Variants in TBC1D22B observed in about 807,000 individuals in gnomAD.
TBC1D22B encodes the protein chromosome 6 open reading frame 197.
In TBC1D22B, 32 loss-of-function variants were observed where a neutral mutation model predicts 69.1. The ratio of observed to expected loss-of-function variants is 0.46; its 90% CI spans 0.35 to 0.62. The LOEUF is 0.62. Among genes scored for constraint, TBC1D22B ranks in the 20% least tolerant of loss-of-function variants. The probability of loss-of-function intolerance (pLI) is 0.00; values close to 1 mark genes in which losing one functional copy is unlikely to be tolerated. For missense variants in TBC1D22B, 462 were observed against 630.9 expected (o/e 0.73, Z 2.87); for synonymous variants, 206 against 229.8 (o/e 0.90, Z 0.94).
At chr6:37,310,529 A>G (rs942013549) in intron 8 of TBC1D22B, among the ~76,000 whole-genome samples, 2 of 152,182 alleles carry the variant, frequency 1.3e-5, no homozygotes, top group Non-Finnish European at 2.9e-5. Context: ...TTAGCCAGGC[A>G]TAGTGGCTCA....
intron 12 of TBC1D22B, chr6:37,324,393 A>G (rs1402032650): frequency 2.2e-6 from 1 of 456,596 alleles, no homozygotes; most frequent in Non-Finnish European, 4.4e-6. Context: ...TTTAGCTGTG[A>G]CACATCTACA....
intron 12 of TBC1D22B, among the ~76,000 whole-genome samples, chr6:37,321,343 T>A (rs1581633390): frequency 6.6e-6 from 1 of 152,154 alleles, no homozygotes; most frequent in Admixed American, 6.5e-5. Flanking sequence ...TAAACTTACA[T>A]GGTGGCTGTT....
chr6:37,272,988 T>C (rs1438530248), intron 2 of TBC1D22B, among the ~76,000 whole-genome samples: 1 of 152,210 alleles, frequency 6.6e-6, no homozygotes, highest in Non-Finnish European at 1.5e-5. Flanking sequence ...TAGACTGGTC[T>C]CATCTCATTG....
At chr6:37,269,305 CT>C (rs957986625) in intron 1 of TBC1D22B, among the ~76,000 whole-genome samples, 28 of 152,330 alleles carry the variant, frequency 1.8e-4, no homozygotes, top group African/African-American at 5.5e-4. Context: ...CATTTGAACT[CT>C]GCTCTCTCCA....
At chr6:37,296,027 A>G (rs1408257375) in intron 8 of TBC1D22B, among the ~76,000 whole-genome samples, 1 of 152,254 alleles carries the variant, frequency 6.6e-6, no homozygotes, top group East Asian at 1.9e-4. Context: ...CATTGAGGCA[A>G]GATCCTCCAC....
intron 1 of TBC1D22B, among the ~76,000 whole-genome samples, chr6:37,261,674 G>C (rs1477585073): frequency 6.6e-6 from 1 of 152,092 alleles, no homozygotes; most frequent in Non-Finnish European, 1.5e-5. Context: ...AAGAAGGATA[G>C]TTACGATGAT....
intron 8 of TBC1D22B, among the ~76,000 whole-genome samples, chr6:37,306,720 A>G (rs1042965842): frequency 4.6e-5 from 7 of 152,254 alleles, no homozygotes; most frequent in Non-Finnish European, 1.0e-4. Flanking sequence ...CCAGGGCATC[A>G]TGATACATGT....
chr6:37,272,051 G>A (rs1328453529), intron 2 of TBC1D22B, among the ~76,000 whole-genome samples: 1 of 151,858 alleles, frequency 6.6e-6, no homozygotes, highest in Non-Finnish European at 1.5e-5. Context: ...ATGTTCCTTG[G>A]TTTGCCCCTT....
intron 12 of TBC1D22B, among the ~76,000 whole-genome samples, chr6:37,329,804 T>G (rs1289580009): frequency 6.6e-6 from 1 of 152,230 alleles, no homozygotes; most frequent in Non-Finnish European, 1.5e-5. Flanking sequence ...ATATCCATTT[T>G]CTAAGAGGGA....
intron 1 of TBC1D22B, among the ~76,000 whole-genome samples, chr6:37,266,151 A>T (rs568145609): frequency 2.0e-5 from 3 of 152,304 alleles, no homozygotes; most frequent in South Asian, 4.1e-4. Flanking sequence ...CCTTCTCAAG[A>T]TCGCTTATTT....
At chr6:37,275,538 G>A (rs1320954042) in intron 2 of TBC1D22B, among the ~76,000 whole-genome samples, 1 of 152,150 alleles carries the variant, frequency 6.6e-6, no homozygotes, top group Non-Finnish European at 1.5e-5. Context: ...GCTGGCCCAG[G>A]AGTCAGGTAG....
At chr6:37,324,189 A>G (rs77416793) in intron 12 of TBC1D22B, 26,821 of 423,838 alleles carry the variant, frequency 0.063, 1,192 homozygotes, top group Non-Finnish European at 0.099. Context: ...TAGATACAGT[A>G]TCTTATTTAA....
intron 2 of TBC1D22B, among the ~76,000 whole-genome samples, chr6:37,270,926 C>T (rs1046107569): frequency 3.3e-5 from 5 of 152,050 alleles, no homozygotes; most frequent in African/African-American, 9.7e-5. Flanking sequence ...GTGAGAAGAT[C>T]AGTTGCCAAG....
chr6:37,294,359 A>AG (rs533834806), intron 8 of TBC1D22B, among the ~76,000 whole-genome samples: 29 of 152,044 alleles, frequency 1.9e-4, no homozygotes, highest in Non-Finnish European at 2.9e-4. Flanking sequence ...TTTTGTAGAG[A>AG]GGGGGGTCTT....
intron 8 of TBC1D22B, among the ~76,000 whole-genome samples, chr6:37,300,006 C>CAAAAAAA (rs764261176): frequency 1.3e-5 from 1 of 77,080 alleles, no homozygotes; most frequent in Non-Finnish European, 2.8e-5. Context: ...GAGACTCTGT[C>CAAAAAAA]AAAAAAAAAA....
intron 2 of TBC1D22B, among the ~76,000 whole-genome samples, chr6:37,269,997 T>C (rs1766432046): frequency 6.6e-6 from 1 of 152,234 alleles, no homozygotes; most frequent in Non-Finnish European, 1.5e-5. Flanking sequence ...AGATCTGGTT[T>C]CTGAGGCTCA....
intron 7 of TBC1D22B, among the ~76,000 whole-genome samples, chr6:37,289,269 A>G (rs1295495538): frequency 6.6e-6 from 1 of 152,236 alleles, no homozygotes; most frequent in African/African-American, 2.4e-5. Context: ...TGAAAACCTG[A>G]AAGATACTTG....
intron 8 of TBC1D22B, among the ~76,000 whole-genome samples, chr6:37,311,764 G>A (rs1159250090): frequency 6.6e-6 from 1 of 152,226 alleles, no homozygotes; most frequent in Admixed American, 6.5e-5. Context: ...GGATTGCAGT[G>A]AACATCTGTT....
chr6:37,286,260 CTG>C (rs1377520001), intron 6 of TBC1D22B, among the ~76,000 whole-genome samples: 1 of 151,962 alleles, frequency 6.6e-6, no homozygotes, highest in East Asian at 1.9e-4. Flanking sequence ...GATTTTTTTC[CTG>C]TGTCAGTCAC....
Sources: allele counts gnomAD v4.1 joint callset (sites outside exome capture counted in the v4.1 genomes callset), GRCh38; gene constraint gnomAD v4.1.1; transcripts MANE v1.5; gene names NCBI Gene and HGNC (gene_info 2026-07-23, HGNC 2026-07-21).